DMXL1: variants seen among roughly 807,000 people sequenced by gnomAD.
The protein encoded by DMXL1 is Dmx like 1.
Under a neutral mutation model 319.2 loss-of-function variants are expected in DMXL1, and 99 were observed. The ratio of observed to expected loss-of-function variants is 0.31; its 90% confidence interval spans 0.26 to 0.37. DMXL1 has a LOEUF of 0.37. DMXL1 is among the 10% of genes least tolerant of loss of function. The pLI is 1.00. For synonymous variants in DMXL1, 1,385 were observed against 1,235.2 expected (o/e 1.12, Z -2.54); for missense variants, 3,745 against 3,595.6 (o/e 1.04, Z -1.06).
chr5:119,224,789 G>A lies in DMXL1; in HGVS notation c.8338+20G>A, dbSNP rs1448552538. The A allele has an allele frequency of 2.7e-6, 3 of 1,094,896 alleles. No homozygotes were observed. The highest frequency in any genetic ancestry group is 3.7e-6 in the Non-Finnish European group (3 of 803,150). 67.8% of individuals were successfully genotyped at this position (1,094,896 alleles called of 1,614,324 possible). ...CTTACTGTAAGTTGAATAATAATTA[G>A]CAATTGTCCTTTCTTATTCTTAAAT... On this transcript the variant is annotated intron_variant, in intron 38 of 43. Transcript: ENST00000539542.
chr5:119,217,677 A>G (rs557582668), intron 35 of DMXL1, among the ~76,000 whole-genome samples: 1 of 152,186 alleles, frequency 6.6e-6, no homozygotes, highest in Non-Finnish European at 1.5e-5. Flanking sequence ...TATTGTATAC[A>G]TATATATAAG....
chr5:119,187,076 TAAA>T (rs536796854), intron 28 of DMXL1, among the ~76,000 whole-genome samples: 2 of 147,004 alleles, frequency 1.4e-5, no homozygotes, highest in African/African-American at 2.5e-5. Context: ...AAGTATAATT[TAAA>T]AAAAAAAAAG....
Position 119,120,843 on chromosome 5 carries a change from C to T in DMXL1, c.934-128C>T, listed in dbSNP as rs377105240. 101 of 656,178 alleles carry T rather than the reference C, an allele frequency of 1.5e-4. 1 individual carries two copies. The East Asian group carries it at 2.0e-3, about 13-fold the overall frequency. The allele number at this position is 656,178 out of a possible 1,614,324, so 40.6% of individuals were successfully genotyped here. On this transcript the variant is annotated intron_variant, in intron 8 of 43. Coordinates refer to ENST00000539542, the MANE Select transcript of DMXL1 (RefSeq NM_001290321.3). The stretch of plus-strand genomic sequence containing the variant: ...TTTTTACATATAAAATGTTAAAAGG[C>T]GTTTTTACATATAAAACATGTAAAA...
At chr5:119,205,480 T>G (rs937905964) in intron 33 of DMXL1, among the ~76,000 whole-genome samples, 7 of 152,116 alleles carry the variant, frequency 4.6e-5, no homozygotes, top group Non-Finnish European at 8.8e-5. Flanking sequence ...ATATGAATGT[T>G]GGACTAACAG....
chr5:119,087,495 T>C (rs1365213347), intron 1 of DMXL1, among the ~76,000 whole-genome samples: 2 of 152,226 alleles, frequency 1.3e-5, no homozygotes, highest in Non-Finnish European at 2.9e-5. Flanking sequence ...TTTCTAGTTT[T>C]ATTCCATTGT....
intron 1 of DMXL1, among the ~76,000 whole-genome samples, chr5:119,076,420 G>A (rs1342356416): frequency 6.6e-6 from 1 of 151,946 alleles, no homozygotes; most frequent in Non-Finnish European, 1.5e-5. Context: ...TTCTGAAAGG[G>A]GGCATGTGAA....
At chr5:119,222,764 T>G (rs1407434649) in intron 37 of DMXL1, among the ~76,000 whole-genome samples, 1 of 152,148 alleles carries the variant, frequency 6.6e-6, no homozygotes, top group African/African-American at 2.4e-5. Flanking sequence ...TGCCATCTCA[T>G]CTCCCTTTAT....
chr5:119,222,940 G>C (rs978404508), intron 37 of DMXL1, among the ~76,000 whole-genome samples: 2 of 151,526 alleles, frequency 1.3e-5, no homozygotes, highest in Non-Finnish European at 2.9e-5. Context: ...ACATTTCCCT[G>C]GCTTCCCTAA....
intron 19 of DMXL1, among the ~76,000 whole-genome samples, chr5:119,155,596 T>C (rs1263585259): frequency 6.6e-6 from 1 of 152,058 alleles, no homozygotes; most frequent in African/African-American, 2.4e-5. Context: ...CTCAACACTT[T>C]GGGATATTGA....
intron 9 of DMXL1, among the ~76,000 whole-genome samples, chr5:119,125,064 T>C (rs534202803): frequency 6.6e-6 from 1 of 152,350 alleles, no homozygotes; most frequent in East Asian, 1.9e-4. Flanking sequence ...TTGCAATAGA[T>C]ACATTAAATT....
intron 31 of DMXL1, among the ~76,000 whole-genome samples, chr5:119,196,967 A>G (rs921420869): frequency 1.3e-5 from 2 of 152,194 alleles, no homozygotes; most frequent in Non-Finnish European, 2.9e-5. Flanking sequence ...ATGCCGTAGT[A>G]GTAAATCAGT....
In DMXL1 at chr5:119,219,568, A is replaced by AATTT. The variant is rs61054079; in HGVS notation, c.8014-884_8014-881dup. ...AAGATACACATTTAATTAATTAATT[A>AATTT]ATTTATTTATTTATTTATTTATTGA... is the stretch of plus-strand genomic sequence containing the variant. On this transcript the variant is annotated intron_variant, in intron 35 of 43. Coordinates refer to ENST00000539542, the MANE Select transcript of DMXL1 (RefSeq NM_001290321.3). Among the ~76,000 whole-genome samples, 1,000 of 150,576 alleles carry AATTT rather than the reference A, an allele frequency of 6.6e-3. 8 individuals carry two copies. Among genetic ancestry groups the AATTT allele is most frequent in the South Asian group, 0.03 (140 of 4,740 alleles).
chr5:119,166,508 G>A, intron 21 of DMXL1, 108 bp from the exon 22 acceptor site: 1 of 866,858 alleles, frequency 1.2e-6, no homozygotes, highest in East Asian at 2.6e-5. Flanking sequence ...GTTATGAACT[G>A]GCAGATGTTT....
chr5:119,089,293 T>TATATATATGCA (rs70982466), intron 1 of DMXL1, among the ~76,000 whole-genome samples: 5 of 25,342 alleles, frequency 2.0e-4, no homozygotes, highest in African/African-American at 6.9e-4. Flanking sequence ...TATATATATA[T>TATATATATGCA]TTTTTTTTTT....
chr5:119,127,876 T>G (rs1459898572), intron 9 of DMXL1: 3 of 349,784 alleles, frequency 8.6e-6, no homozygotes, highest in Non-Finnish European at 5.8e-6. Context: ...GCATGTCTGC[T>G]TTGGCAATAA....
Position 119,170,477 on chromosome 5 carries a change from A to C in DMXL1, c.5686A>C (p.Ser1896Arg). ...KKTRPFYRAS[S>R]FLDTSKDCSP... is the part of the protein sequence containing the mutation. ...AACAAGACCTTTTTATAGGGCTTCT[A>C]GTTTTCTGGATACTAGTAAAGACTG... Residue 1896 changes from serine to arginine, a missense_variant, in exon 24 of 44, where the codon AGT (serine) becomes CGT (arginine). By Grantham distance (110) the Ser-to-Arg change is moderately radical. This residue lies in a region of DMXL1 where 1,382 missense variants were observed against 1,269.5 expected (regional missense o/e 1.09). Transcript: ENST00000539542. The C allele has an allele frequency of 1.2e-6, 2 of 1,613,720 alleles. No homozygotes were observed. The highest frequency in any genetic ancestry group is 1.7e-6 in the Non-Finnish European group (2 of 1,179,876).
chr5:119,207,258 A>T (rs1781904295), intron 34 of DMXL1, among the ~76,000 whole-genome samples: 1 of 152,198 alleles, frequency 6.6e-6, no homozygotes, highest in Admixed American at 6.5e-5. Context: ...GGAATTAATG[A>T]TACTAAAATT....
intron 4 of DMXL1, among the ~76,000 whole-genome samples, chr5:119,107,622 A>G (rs1758648475): frequency 6.6e-6 from 1 of 152,140 alleles, no homozygotes; most frequent in Non-Finnish European, 1.5e-5. Flanking sequence ...GTTCCATTCC[A>G]TACCTGGGAT....
In DMXL1 at chr5:119,105,114, A is replaced by T. The variant is rs1758047698; in HGVS notation, c.286-66A>T. 34 of 1,024,164 alleles carry T rather than the reference A, an allele frequency of 3.3e-5. No individual in the cohort carries two copies. In the South Asian group the frequency reaches 3.5e-4, roughly 11 times the overall value. 63.4% of individuals were successfully genotyped at this position (1,024,164 alleles called of 1,614,324 possible). A position where few individuals can be genotyped will look rare whatever the true frequency, so the allele number is the denominator to read the frequency against. ...TGTTATTGTAAGAATAACAAGCATAAACGTACACATTTGACAGAGAAAATA... is the reference window on the plus strand; with the variant it reads ...TGTTATTGTAAGAATAACAAGCATATACGTACACATTTGACAGAGAAAATA... On this transcript the variant is annotated intron_variant, in intron 3 of 43. Coordinates refer to ENST00000539542, the MANE Select transcript of DMXL1 (RefSeq NM_001290321.3).
Sources: gnomAD v4.1 joint callset for allele counts (sites outside exome capture counted in the v4.1 genomes callset) on GRCh38, gnomAD v4.1.1 for gene constraint, gnomAD v4.1.1 regional missense constraint, MANE v1.5 for transcripts, NCBI Gene and HGNC (gene_info 2026-07-23, HGNC 2026-07-21) for gene names.